ARID1B: variants seen among roughly 807,000 people sequenced by gnomAD.
ARID1B encodes AT-rich interactive domain-containing protein 1B.
Under a neutral mutation model 212.3 loss-of-function variants are expected in ARID1B, and 30 were observed. The observed-to-expected ratio is 0.14, with a 90% CI of 0.11 to 0.19. The LOEUF is 0.19. Ranked by LOEUF, ARID1B falls within the 10% of genes least tolerant of loss-of-function variation. ARID1B has a pLI of 1.00. For missense variants in ARID1B, 2,891 were observed against 3,204.0 expected, an observed-to-expected ratio of 0.90 and a Z score of 2.36; for synonymous variants, 1,402 against 1,301.7, an observed-to-expected ratio of 1.08 and a Z score of -1.66.
At chr6:156,801,851 A>G (rs533676373) in intron 1 of ARID1B, among the ~76,000 whole-genome samples, 3 of 152,270 alleles carry the variant, frequency 2.0e-5, no homozygotes, top group South Asian at 2.1e-4. Context: ...TCTGTGTTGC[A>G]GTTTGAACTT....
chr6:156,885,807 A>T (rs287867), intron 2 of ARID1B, among the ~76,000 whole-genome samples: 93,758 of 152,050 alleles, frequency 0.62, 29,354 homozygotes, highest in African/African-American at 0.72. Context: ...GTAAGTTAAG[A>T]TTATGTGCTA....
At chr6:157,016,846 A>G (rs1444388918) in intron 4 of ARID1B, among the ~76,000 whole-genome samples, 2 of 152,204 alleles carry the variant, frequency 1.3e-5, no homozygotes, top group Non-Finnish European at 2.9e-5. Context: ...CTTATTTCTT[A>G]TTTATATCAA....
rs1414300835 is a variant in ARID1B at position 157,206,485 on chromosome 6, A to G, written c.5713A>G (p.Ser1905Gly). 6.2e-7 allele frequency: 1 copy of G among 1,614,200 alleles called. No individual in the cohort carries two copies. The highest frequency in any genetic ancestry group is 1.7e-5 in the Admixed American group (1 of 60,026). The change falls in exon 20 of 20, where the codon AGT becomes GGT. Residue 1905 changes from serine to glycine, a missense_variant. Coordinates refer to ENST00000636930, the MANE Select transcript of ARID1B (RefSeq NM_001374828.1). The surrounding 1 kb of genome is among the most constrained non-coding windows in gnomAD (Gnocchi z 6.8). ...ADPKEKPKQA[S>G]KFDKLPIKIV... ...CCCAAAGGAGAAGCCCAAGCAAGCC[A>G]GTAAGTTCGACAAGCTGCCAATAAA... is the stretch of plus-strand genomic sequence containing the variant.
chr6:156,799,069 C>T (rs1356502000), intron 1 of ARID1B, among the ~76,000 whole-genome samples: 2 of 152,342 alleles, frequency 1.3e-5, no homozygotes, highest in Middle Eastern at 6.8e-3. Flanking sequence ...CATGTCCCAT[C>T]TCAAGTCTCA....
chr6:157,095,805 A>C (rs1445723672), intron 5 of ARID1B, among the ~76,000 whole-genome samples: 2 of 152,124 alleles, frequency 1.3e-5, no homozygotes, highest in Non-Finnish European at 2.9e-5. Flanking sequence ...AGTTCATTTC[A>C]CATGAAATCC....
chr6:157,144,173 T>G (rs1789563151), intron 7 of ARID1B, among the ~76,000 whole-genome samples: 1 of 152,204 alleles, frequency 6.6e-6, no homozygotes, highest in Non-Finnish European at 1.5e-5. Context: ...TTCCTTTGTG[T>G]TCATTAAGAT....
chr6:156,833,502 A>G (rs1457530477), intron 2 of ARID1B, among the ~76,000 whole-genome samples: 1 of 152,066 alleles, frequency 6.6e-6, no homozygotes, highest in Non-Finnish European at 1.5e-5. Flanking sequence ...CAGGTGTTTG[A>G]TAATATGATG....
intron 4 of ARID1B, among the ~76,000 whole-genome samples, chr6:156,959,434 C>A (rs2128319210): frequency 6.6e-6 from 1 of 152,222 alleles, no homozygotes; most frequent in South Asian, 2.1e-4. Context: ...TTTCCTCCCC[C>A]AATTTTTTAT....
intron 15 of ARID1B, among the ~76,000 whole-genome samples, chr6:157,191,905 T>G (rs867923982): frequency 3.3e-4 from 50 of 152,240 alleles, no homozygotes; most frequent in African/African-American, 1.1e-3. Context: ...GCCCAAAGCC[T>G]TGGTTTTCAT....
At chr6:156,798,955 G>A (rs1485243940) in intron 1 of ARID1B, among the ~76,000 whole-genome samples, 4 of 152,166 alleles carry the variant, frequency 2.6e-5, no homozygotes, top group African/African-American at 9.7e-5. Flanking sequence ...TTCTCTCTGT[G>A]TGTATAGGTT....
chr6:157,073,165 C>T (rs575034056), intron 4 of ARID1B, among the ~76,000 whole-genome samples: 55 of 145,178 alleles, frequency 3.8e-4, no homozygotes, highest in East Asian at 6.2e-4. Flanking sequence ...TGCAGTGGTA[C>T]AATCTCGGCT....
At chr6:156,854,329 T>C (rs1207417971) in intron 2 of ARID1B, among the ~76,000 whole-genome samples, 1 of 152,162 alleles carries the variant, frequency 6.6e-6, no homozygotes, top group East Asian at 1.9e-4. Context: ...TTCCTTGGTT[T>C]TGAGTGATTA....
At chr6:156,907,292 C>T (rs376731984) in intron 3 of ARID1B, among the ~76,000 whole-genome samples, 3 of 151,950 alleles carry the variant, frequency 2.0e-5, no homozygotes, top group South Asian at 2.1e-4. Flanking sequence ...TTCTAGTTTG[C>T]GAAGAGATTT....
At chr6:156,858,859 C>A (rs888062592) in intron 2 of ARID1B, among the ~76,000 whole-genome samples, 1 of 152,068 alleles carries the variant, frequency 6.6e-6, no homozygotes, top group South Asian at 2.1e-4. Context: ...GTTAAAAAAA[C>A]CGTAAAAATG....
intron 12 of ARID1B, among the ~76,000 whole-genome samples, chr6:157,181,569 C>T (rs1454841904): frequency 6.6e-6 from 1 of 152,232 alleles, no homozygotes; most frequent in African/African-American, 2.4e-5. Flanking sequence ...ACATTTACTG[C>T]TTCCCTCTAT....
At position 157,148,216 on chromosome 6, in the gene ARID1B, T is replaced by C. The variant is rs1789940817; in HGVS notation, c.2762-408T>C. Among the ~76,000 whole-genome samples the C allele has an allele frequency of 6.6e-6, 1 of 152,158 alleles. No homozygotes were observed. The highest frequency in any genetic ancestry group is 2.1e-4 in the South Asian group (1 of 4,830). ...AGCCCTTTCACATGACTGTTGAAGG[T>C]AGCAGTGATCTAGTGGTGTGATCTC... On this transcript the variant is annotated intron_variant, in intron 7 of 19. Transcript: ENST00000636930. This position sits in a 1 kb window ranked among gnomAD's most constrained non-coding sequence, Gnocchi z 5.6.
At position 157,110,522 on chromosome 6, in the gene ARID1B, C is replaced by T; in HGVS notation, c.2542C>T (p.His848Tyr). 1 of 1,614,166 alleles carries T rather than the reference C, an allele frequency of 6.2e-7. No homozygotes were observed. Among genetic ancestry groups the T allele is most frequent in the Admixed American group, 1.7e-5 (1 of 60,016 alleles). The change falls in exon 6 of 20, where the codon CAT becomes TAT. Residue 848 changes from histidine to tyrosine, a missense_variant. Transcript: ENST00000636930. ...PPGSQSESSS[H>Y]PALSQSPMPQ... ...CGGGAGCCAGTCAGAATCCAGTTCC[C>T]ATCCCGCCTTGAGCCAGTCACCAAT...
intron 6 of ARID1B, among the ~76,000 whole-genome samples, chr6:157,129,987 G>A (rs1788428713): frequency 6.6e-6 from 1 of 152,098 alleles, no homozygotes. Flanking sequence ...TGGCCAACAT[G>A]GTGAAACCCC....
At chr6:157,075,867 G>C (rs1003249992) in intron 4 of ARID1B, among the ~76,000 whole-genome samples, 4 of 152,170 alleles carry the variant, frequency 2.6e-5, no homozygotes, top group Non-Finnish European at 4.4e-5. Flanking sequence ...GGAAAGACTG[G>C]GAAACTGTCA....
Sources: gnomAD v4.1 joint callset for allele counts (sites outside exome capture counted in the v4.1 genomes callset) on GRCh38, gnomAD v4.1.1 for gene constraint, Gnocchi (gnomAD v3.1) non-coding constraint, MANE v1.5 for transcripts, NCBI Gene and HGNC (gene_info 2026-07-23, HGNC 2026-07-21) for gene names.